Variants in ARHGAP32 observed in about 807,000 individuals in gnomAD.
ARHGAP32 encodes the protein rho GTPase-activating protein 32.
Under a neutral mutation model 186.5 loss-of-function variants are expected in ARHGAP32, and 51 were observed. The ratio of observed to expected loss-of-function variants is 0.27; its 90% CI spans 0.22 to 0.35. The LOEUF is 0.35. ARHGAP32 is among the 10% of genes least tolerant of loss of function. The pLI is 1.00. For missense variants in ARHGAP32, 2,186 were observed against 2,623.5 expected (o/e 0.83, Z 3.64); for synonymous variants, 950 against 964.3 (o/e 0.99, Z 0.27).
At chr11:129,021,562 G>C (rs1398818607) in intron 11 of ARHGAP32, among the ~76,000 whole-genome samples, 2 of 152,018 alleles carry the variant, frequency 1.3e-5, no homozygotes, top group East Asian at 3.9e-4. Context: ...GTTAAGATAA[G>C]ACTATTATTA....
At chr11:129,043,373 C>CTTTTTTTT (rs1162755786) in intron 10 of ARHGAP32, among the ~76,000 whole-genome samples, 1 of 83,726 alleles carries the variant, frequency 1.2e-5, no homozygotes. Flanking sequence ...ATGCAAATTT[C>CTTTTTTTT]TTTTTTTCTT....
chr11:129,047,001 G>T (rs1939837644), intron 10 of ARHGAP32, among the ~76,000 whole-genome samples: 1 of 152,030 alleles, frequency 6.6e-6, no homozygotes, highest in Non-Finnish European at 1.5e-5. Context: ...GGTGGCAGGT[G>T]CCTGTAGTCC....
At chr11:129,097,951 T>A (rs904019241) in intron 5 of ARHGAP32, among the ~76,000 whole-genome samples, 1 of 152,150 alleles carries the variant, frequency 6.6e-6, no homozygotes, top group Non-Finnish European at 1.5e-5. Context: ...CTGCAAGGGA[T>A]CATCAGTAAG....
chr11:129,173,611 C>A (rs1260732765), intron 1 of ARHGAP32, among the ~76,000 whole-genome samples: 1 of 152,156 alleles, frequency 6.6e-6, no homozygotes, highest in African/African-American at 2.4e-5. Context: ...CATCAAAGAG[C>A]TTATCCACCA....
rs891795084 is a variant in ARHGAP32, at chr11:129,043,450, G to C, written c.964-2441C>G. Among the ~76,000 whole-genome samples, 7 of 139,940 alleles carry C rather than the reference G, an allele frequency of 5.0e-5. No individual in the cohort carries two copies. The East Asian group carries it at 6.5e-4, about 13-fold the overall frequency. The allele number at this position is 139,940 out of a possible 152,430, so 91.8% of individuals were successfully genotyped here. On this transcript the variant is annotated intron_variant, in intron 10 of 22. Transcript: ENST00000682385. ...TGCCCAGTCTGAAGTGCAACGACGC[G>C]ACCTCGGCTCACTGTAACCTCCGCC...
In ARHGAP32 at chr11:129,192,156, C is replaced by T; in HGVS notation, c.43G>A (p.Val15Ile). 1 of 1,613,910 alleles carries T rather than the reference C, an allele frequency of 6.2e-7. No homozygotes were observed. Among genetic ancestry groups the T allele is most frequent in the Admixed American group, 1.7e-5 (1 of 60,026 alleles). The part of the protein sequence containing the change: ...SESSTLGDDS[V>I]FWLESEVIIQ... ...ATAACTTCAGACTCCAACCAGAAGA[C>T]ACTGTCATCCCCTAAAGTGCTACTC... is the stretch of plus-strand genomic sequence containing the variant. Residue 15 changes from valine (V) to isoleucine (I), a missense_variant, in exon 1 of 23, where the codon GTC becomes ATC. Physicochemically the swap from Val to Ile is conservative, Grantham distance 29 (BLOSUM62 3). Around this residue, in one of 5 missense-constraint regions of ARHGAP32, gnomAD observed 108 missense variants for 116.8 expected, o/e 0.92. Coordinates refer to ENST00000682385, the MANE Select transcript of ARHGAP32 (RefSeq NM_001378024.1).
intron 1 of ARHGAP32, among the ~76,000 whole-genome samples, chr11:129,234,145 A>C (rs527424366): frequency 1.3e-5 from 2 of 152,108 alleles, no homozygotes; most frequent in Non-Finnish European, 2.9e-5. Flanking sequence ...CTATTGCAAT[A>C]ATTCAAAGAA....
intron 2 of ARHGAP32, among the ~76,000 whole-genome samples, chr11:129,162,477 G>A (rs911993553): frequency 6.6e-6 from 1 of 152,102 alleles, no homozygotes; most frequent in Non-Finnish European, 1.5e-5. Flanking sequence ...TGTTGAGTGT[G>A]AAATGACTGA....
chr11:129,104,029 G>C (rs982703711), intron 5 of ARHGAP32, among the ~76,000 whole-genome samples: 1 of 151,972 alleles, frequency 6.6e-6, no homozygotes. Context: ...AACGGTTTAA[G>C]AATATCTTTT....
chr11:128,998,987 G>A (rs1285501387), intron 11 of ARHGAP32, among the ~76,000 whole-genome samples: 1 of 152,154 alleles, frequency 6.6e-6, no homozygotes, highest in African/African-American at 2.4e-5. Context: ...TGTAAAACAT[G>A]TGTGTATGAA....
chr11:128,981,946 A>G lies in ARHGAP32; in HGVS notation c.1527-10T>C. 1 of 1,499,594 alleles carries G rather than the reference A, an allele frequency of 6.7e-7. No homozygotes were observed. The highest frequency in any genetic ancestry group is 9.2e-7 in the Non-Finnish European group (1 of 1,081,332). The allele number at this position is 1,499,594 out of a possible 1,614,324, so 92.9% of individuals were successfully genotyped here. A position where few individuals can be genotyped will look rare whatever the true frequency, so the allele number is the denominator to read the frequency against. Reference sequence around the variant, plus strand: ...CAGGAACTCCAGTGTTCTGGAAATAAAATACAACATATTAACAGAAAGAAA... The same window carrying G: ...CAGGAACTCCAGTGTTCTGGAAATAGAATACAACATATTAACAGAAAGAAA... On this transcript the variant is annotated splice_polypyrimidine_tract_variant and intron_variant, in intron 15 of 22. Transcript: ENST00000682385.
At chr11:129,007,089 G>A (rs528629055) in intron 11 of ARHGAP32, among the ~76,000 whole-genome samples, 47 of 152,158 alleles carry the variant, frequency 3.1e-4, no homozygotes, top group East Asian at 9.7e-4. Context: ...AGCTTGTGGC[G>A]AATGCTGCCA....
chr11:129,161,304 A>T (rs1455670919), intron 2 of ARHGAP32, among the ~76,000 whole-genome samples: 1 of 152,202 alleles, frequency 6.6e-6, no homozygotes, highest in Non-Finnish European at 1.5e-5. Context: ...AAATTGACAA[A>T]TGGAATCTAA....
chr11:129,056,368 TC>T (rs966711582), intron 10 of ARHGAP32, among the ~76,000 whole-genome samples: 2 of 152,224 alleles, frequency 1.3e-5, no homozygotes, highest in African/African-American at 4.8e-5. Context: ...TGCCTCAGCC[TC>T]CCAAGCAGCT....
At chr11:129,077,316 T>C (rs933252680) in intron 6 of ARHGAP32, among the ~76,000 whole-genome samples, 7 of 152,008 alleles carry the variant, frequency 4.6e-5, no homozygotes, top group South Asian at 2.1e-4. Context: ...GAAGCACAGA[T>C]AGGAGTACAG....
chr11:129,115,828 C>T (rs1354421703), intron 5 of ARHGAP32, among the ~76,000 whole-genome samples: 2 of 152,142 alleles, frequency 1.3e-5, no homozygotes, highest in South Asian at 4.1e-4. Context: ...ATCCTTGCTT[C>T]TTTTTCCCAG....
chr11:129,264,698 A>G (rs1945370831), intron 1 of ARHGAP32, among the ~76,000 whole-genome samples: 1 of 152,168 alleles, frequency 6.6e-6, no homozygotes, highest in Admixed American at 6.5e-5. Context: ...AGAATGACAC[A>G]CTGAAACAAG....
chr11:129,190,493 C>T (rs556209542), intron 1 of ARHGAP32, among the ~76,000 whole-genome samples: 1 of 152,318 alleles, frequency 6.6e-6, no homozygotes, highest in Admixed American at 6.5e-5. Context: ...CCTTAAACAA[C>T]ACATCACTAG....
At chr11:129,043,287 C>T (rs1939668544) in intron 10 of ARHGAP32, among the ~76,000 whole-genome samples, 1 of 151,854 alleles carries the variant, frequency 6.6e-6, no homozygotes, top group African/African-American at 2.4e-5. Context: ...ATGTTTGGTG[C>T]TCTCTGGATT....
Sources: allele counts gnomAD v4.1 joint callset (sites outside exome capture counted in the v4.1 genomes callset), GRCh38; gene constraint gnomAD v4.1.1; regional missense constraint gnomAD v4.1.1; transcripts MANE v1.5; gene names NCBI Gene and HGNC (gene_info 2026-07-23, HGNC 2026-07-21).